Variants in LRFN2 observed in about 807,000 individuals in gnomAD.
LRFN2 encodes the protein leucine rich repeat and fibronectin type III domain containing 2, also known as leucine-rich repeat and fibronectin type-III domain-containing protein 2.
Under a neutral mutation model 37.3 loss-of-function variants are expected in LRFN2, and 18 were observed. The ratio of observed to expected loss-of-function variants is 0.48; its 90% CI spans 0.33 to 0.72. The LOEUF (loss-of-function observed/expected upper bound fraction) is 0.72, where lower values mean the gene tolerates loss of function less well. LRFN2 is among the 30% of genes least tolerant of loss of function. The pLI is 0.02. For synonymous variants in LRFN2, 556 were observed against 466.6 expected (o/e 1.19, Z -2.47); for missense variants, 1,006 against 1,060.7 (o/e 0.95, Z 0.72).
At chr6:40,393,222 G>A (rs904480749) in intron 2 of LRFN2, among the ~76,000 whole-genome samples, 1 of 151,832 alleles carries the variant, frequency 6.6e-6, no homozygotes, top group Non-Finnish European at 1.5e-5. Flanking sequence ...ACCCAGACAA[G>A]GGAACCAAGG....
chr6:40,475,223 A>G (rs1056734831), intron 1 of LRFN2, among the ~76,000 whole-genome samples: 5 of 152,192 alleles, frequency 3.3e-5, no homozygotes, highest in African/African-American at 1.2e-4. Context: ...ACAACAAAGG[A>G]CAATTGATGC....
chr6:40,394,395 G>A (rs1476063832), intron 2 of LRFN2, among the ~76,000 whole-genome samples: 2 of 152,114 alleles, frequency 1.3e-5, no homozygotes, highest in Non-Finnish European at 2.9e-5. Flanking sequence ...TACTACTTGA[G>A]AATGAAAGGG....
In LRFN2 at chr6:40,578,859, A is replaced by G. The variant is rs552779121; in HGVS notation, c.-19+8082T>C. 5.9e-5 allele frequency among the ~76,000 whole-genome samples: 9 copies of G among 152,344 alleles called. No homozygotes were observed. In the East Asian group the frequency reaches 1.7e-3, roughly 29 times the overall value. On this transcript the variant is annotated intron_variant, in intron 1 of 2. Transcript: ENST00000338305. ...ATAACCCACTCAAGTTCACACAACC[A>G]GGAAAACAGAACACAATGCAAATCC...
intron 1 of LRFN2, among the ~76,000 whole-genome samples, chr6:40,581,130 T>C (rs1297892745): frequency 6.6e-6 from 1 of 152,124 alleles, no homozygotes; most frequent in African/African-American, 2.4e-5. Flanking sequence ...TTACAGTGTT[T>C]GGTCATAGAC....
At chr6:40,446,560 T>G (rs1349743421) in intron 1 of LRFN2, among the ~76,000 whole-genome samples, 1 of 152,208 alleles carries the variant, frequency 6.6e-6, no homozygotes, top group African/African-American at 2.4e-5. Flanking sequence ...TAGGGCTAAG[T>G]GTATTTATTG....
At chr6:40,407,993 A>T (rs1208669985) in intron 2 of LRFN2, 1 of 152,816 alleles carries the variant, frequency 6.5e-6, no homozygotes, top group African/African-American at 2.4e-5. Flanking sequence ...ATCTTGTGTG[A>T]TTCCACTTAT....
intron 1 of LRFN2, 96 bp from the exon 2 acceptor site, chr6:40,433,227 G>T: frequency 9.6e-7 from 1 of 1,038,228 alleles, no homozygotes; most frequent in Non-Finnish European, 1.4e-6. Context: ...CTGCCTTAGG[G>T]AGTGGCATAG....
At position 40,435,084 on chromosome 6, in the gene LRFN2, G is replaced by GAC. The variant is rs1554134664; in HGVS notation, c.-18-1954_-18-1953insGT. 2.4e-3 allele frequency among the ~76,000 whole-genome samples: 315 copies of GAC among 131,586 alleles called. 3 individuals are homozygous for GAC. The highest frequency in any genetic ancestry group is 0.016 in the East Asian group (68 of 4,304). The allele number at this position is 131,586 out of a possible 152,430, so 86.3% of individuals were successfully genotyped here. A position where few individuals can be genotyped will look rare whatever the true frequency, so the allele number is the denominator to read the frequency against. On this transcript the variant is annotated intron_variant, in intron 1 of 2. Coordinates refer to ENST00000338305, the MANE Select transcript of LRFN2 (RefSeq NM_020737.3). ...AGAGAGAGAGAGAGAGAGAGAGAGAGAGAGAGACAGAGAGATAATATATAT... is the reference window on the plus strand; with the variant it reads ...AGAGAGAGAGAGAGAGAGAGAGAGAGACAGAGAGACAGAGAGATAATATATAT...
chr6:40,436,427 C>A (rs1452974560), intron 1 of LRFN2, among the ~76,000 whole-genome samples: 1 of 152,168 alleles, frequency 6.6e-6, no homozygotes, highest in African/African-American at 2.4e-5. Flanking sequence ...GGCACTGAAG[C>A]CTAAAATATT....
chr6:40,516,172 C>T (rs752538934), intron 1 of LRFN2, among the ~76,000 whole-genome samples: 7 of 152,146 alleles, frequency 4.6e-5, no homozygotes, highest in Non-Finnish European at 8.8e-5. Context: ...TCTAGGGGAA[C>T]CCAGACTAAG....
chr6:40,409,185 T>C (rs950281977), intron 2 of LRFN2, among the ~76,000 whole-genome samples: 5 of 152,226 alleles, frequency 3.3e-5, no homozygotes, highest in Non-Finnish European at 7.3e-5. Flanking sequence ...AGTCATTTCA[T>C]GGAGGGGCAT....
At chr6:40,413,525 C>T (rs997664828) in intron 2 of LRFN2, among the ~76,000 whole-genome samples, 1 of 152,156 alleles carries the variant, frequency 6.6e-6, no homozygotes, top group African/African-American at 2.4e-5. Context: ...AACCACGACC[C>T]GGTTTCCTTT....
intron 1 of LRFN2, among the ~76,000 whole-genome samples, chr6:40,487,998 C>A (rs1307602480): frequency 1.3e-5 from 2 of 152,136 alleles, no homozygotes; most frequent in Non-Finnish European, 2.9e-5. Context: ...TCCCCAGGCT[C>A]CCCAGTCACA....
chr6:40,488,226 G>C (rs1341541865), intron 1 of LRFN2, among the ~76,000 whole-genome samples: 2 of 152,092 alleles, frequency 1.3e-5, no homozygotes, highest in Non-Finnish European at 2.9e-5. Flanking sequence ...TTTACACCAG[G>C]GAATGGGTGG....
At chr6:40,497,492 C>A (rs1318827978) in intron 1 of LRFN2, among the ~76,000 whole-genome samples, 1 of 152,216 alleles carries the variant, frequency 6.6e-6, no homozygotes, top group East Asian at 1.9e-4. Context: ...CAGCAGGAGT[C>A]ATATAAGCAC....
intron 1 of LRFN2, among the ~76,000 whole-genome samples, chr6:40,435,305 C>A (rs1389590850): frequency 6.6e-6 from 1 of 150,772 alleles, no homozygotes; most frequent in Non-Finnish European, 1.5e-5. Flanking sequence ...CAGGCACTTG[C>A]CATCATGCCT....
At chr6:40,453,545 CACACACACA>C (rs1561862285) in intron 1 of LRFN2, among the ~76,000 whole-genome samples, 3 of 151,036 alleles carry the variant, frequency 2.0e-5, no homozygotes, top group Admixed American at 6.6e-5. Context: ...CACACACACA[CACACACACA>C]CCTCCCTTTG....
chr6:40,502,704 C>A (rs775194297), intron 1 of LRFN2, among the ~76,000 whole-genome samples: 5 of 152,222 alleles, frequency 3.3e-5, no homozygotes, highest in Non-Finnish European at 7.3e-5. Flanking sequence ...GAACCTAAGT[C>A]CTCAGAGAGT....
intron 1 of LRFN2, among the ~76,000 whole-genome samples, chr6:40,533,937 G>T (rs544442880): frequency 6.6e-6 from 1 of 152,154 alleles, no homozygotes; most frequent in African/African-American, 2.4e-5. Flanking sequence ...CAAATTCACC[G>T]GACACTCGGA....
Sources: gnomAD v4.1 joint callset for allele counts (sites outside exome capture counted in the v4.1 genomes callset) on GRCh38, gnomAD v4.1.1 for gene constraint, MANE v1.5 for transcripts, NCBI Gene and HGNC (gene_info 2026-07-23, HGNC 2026-07-21) for gene names.